The following PCDHA3 variants were observed in gnomAD, a reference collection of about 807,000 sequenced individuals.
PCDHA3 encodes protocadherin alpha-3.
A neutral mutation model predicts 62.2 loss-of-function variants in PCDHA3; 41 were observed. The observed-to-expected ratio is 0.66, with a 90% confidence interval of 0.51 to 0.86. The LOEUF (loss-of-function observed/expected upper bound fraction) is 0.86, where lower values mean the gene tolerates loss of function less well. Among genes scored for constraint, PCDHA3 ranks in the 40% least tolerant of loss-of-function variants. The probability of loss-of-function intolerance (pLI) is 0.00; values close to 1 mark genes in which losing one functional copy is unlikely to be tolerated. For synonymous variants in PCDHA3, 640 were observed against 555.4 expected, an observed-to-expected ratio of 1.15 and a Z score of -2.14; for missense variants, 1,304 against 1,241.2, an observed-to-expected ratio of 1.05 and a Z score of -0.76.
chr5:140,830,476 TG>T (rs2150187075), intron 1 of PCDHA3: 1 of 1,551,430 alleles, frequency 6.4e-7, no homozygotes, highest in South Asian at 1.2e-5. Context: ...ATGAAGATCA[TG>T]ATGCCAAAGT....
intron 1 of PCDHA3, chr5:140,870,382 C>G (rs782627889): frequency 7.4e-6 from 12 of 1,614,062 alleles, no homozygotes; most frequent in Non-Finnish European, 1.0e-5. Context: ...GGTGACTGCG[C>G]GGGATGGGGG....
At position 140,802,135 on chromosome 5, in the gene PCDHA3, G is replaced by GT; in HGVS notation, c.939dup (p.Lys314Ter). 1 of 1,614,198 alleles carries GT rather than the reference G, an allele frequency of 6.2e-7. No homozygotes were observed. Among genetic ancestry groups the GT allele is most frequent in the African/African-American group, 1.3e-5 (1 of 75,030 alleles). ...AAGGGTAACATAGATTTCGAGGAAAGTAAGTCATATGAAATCCAGGTAGAA... is the reference window on the plus strand; with the variant it reads ...AAGGGTAACATAGATTTCGAGGAAAGTTAAGTCATATGAAATCCAGGTAGAA... On this transcript the variant is annotated frameshift_variant, in exon 1 of 4. Transcript: ENST00000522353. LOFTEE classifies it high-confidence loss of function.
At chr5:140,856,906 C>A (rs2044264701) in intron 1 of PCDHA3, 5 of 1,596,020 alleles carry the variant, frequency 3.1e-6, no homozygotes, top group Non-Finnish European at 2.6e-6. Flanking sequence ...TGGTCCCACC[C>A]ACGATAAGAA....
rs377029109 is a variant in PCDHA3, at chr5:141,002,346, C to G, written c.2543-7281C>G. On this transcript the variant is annotated intron_variant, in intron 3 of 3. Coordinates refer to ENST00000522353, the MANE Select transcript of PCDHA3 (RefSeq NM_018906.3). Reference sequence around the variant, plus strand: ...CGGGCTGCATCCGCACCCCTTCCCCCACCTCCACTCCTTTCAACTCATTCT... The same window carrying G: ...CGGGCTGCATCCGCACCCCTTCCCCGACCTCCACTCCTTTCAACTCATTCT... Among the ~76,000 whole-genome samples, 17 of 152,370 alleles carry G rather than the reference C, an allele frequency of 1.1e-4. No homozygotes were observed. The East Asian group carries it at 2.7e-3, about 24-fold the overall frequency.
chr5:140,914,115 G>A (rs1287523867), intron 1 of PCDHA3, among the ~76,000 whole-genome samples: 1 of 152,168 alleles, frequency 6.6e-6, no homozygotes, highest in Non-Finnish European at 1.5e-5. Flanking sequence ...GATTAAGTCT[G>A]ATGTTTCTTT....
At chr5:140,829,700 G>A (rs188962276) in intron 1 of PCDHA3, 3 of 1,613,364 alleles carry the variant, frequency 1.9e-6, no homozygotes, top group Non-Finnish European at 1.7e-6. Flanking sequence ...TCAGGTGAGC[G>A]CGCGCGACGC....
intron 3 of PCDHA3, among the ~76,000 whole-genome samples, chr5:140,995,873 C>T (rs1554254864): frequency 6.6e-6 from 1 of 152,126 alleles, no homozygotes; most frequent in Non-Finnish European, 1.5e-5. Flanking sequence ...AATTGTGCAA[C>T]CTGTGCTTCA....
rs1308888029 is a variant in PCDHA3 at position 141,011,344 on chromosome 5, A to G, written c.*1407A>G. Reference sequence around the variant, plus strand: ...ACACCTATGATGTTACCTGAAATCAATCTCCCATATGTATGCTGTATGCTA... The same window carrying G: ...ACACCTATGATGTTACCTGAAATCAGTCTCCCATATGTATGCTGTATGCTA... On this transcript the variant is annotated 3_prime_UTR_variant, in exon 4 of 4. Coordinates refer to ENST00000522353, the MANE Select transcript of PCDHA3 (RefSeq NM_018906.3). 3 of 153,730 alleles carry G rather than the reference A, an allele frequency of 2.0e-5. No homozygotes were observed. The highest frequency in any genetic ancestry group is 2.9e-5 in the Non-Finnish European group (2 of 68,040). The allele number at this position is 153,730 out of a possible 1,614,324, so 9.5% of individuals were successfully genotyped here.
intron 1 of PCDHA3, chr5:140,834,395 G>T (rs2150216541): frequency 6.3e-7 from 1 of 1,598,712 alleles, no homozygotes; most frequent in Non-Finnish European, 8.5e-7. Context: ...TGGTGTGCCC[G>T]AATGGATACG....
At chr5:140,820,247 C>T (rs961844156) in intron 1 of PCDHA3, among the ~76,000 whole-genome samples, 7 of 151,972 alleles carry the variant, frequency 4.6e-5, no homozygotes, top group Middle Eastern at 7.0e-3. Context: ...TAGTAAAAAT[C>T]TTATAAGGGA....
chr5:140,823,715 TG>T, intron 1 of PCDHA3: 2 of 1,613,918 alleles, frequency 1.2e-6, no homozygotes, highest in Non-Finnish European at 1.7e-6. Flanking sequence ...CACCGCCTTC[TG>T]GTGCTGGTGA....
intron 1 of PCDHA3, among the ~76,000 whole-genome samples, chr5:140,913,854 A>G: frequency 6.6e-6 from 1 of 152,128 alleles, no homozygotes; most frequent in Middle Eastern, 3.2e-3. Context: ...ATTCAGGAGC[A>G]TATTGTTTAA....
intron 1 of PCDHA3, chr5:140,866,107 G>T (rs2049153150): frequency 6.6e-6 from 1 of 152,146 alleles, no homozygotes; most frequent in African/African-American, 2.4e-5. Flanking sequence ...GTAATTAAGA[G>T]TTGCCTTATA....
chr5:140,870,693 A>C, intron 1 of PCDHA3: 1 of 1,612,950 alleles, frequency 6.2e-7, no homozygotes, highest in Non-Finnish European at 8.5e-7. Context: ...TGGAGCTGCT[A>C]CAGTTCCAGG....
intron 1 of PCDHA3, chr5:140,968,436 C>T (rs1479503016): frequency 3.1e-6 from 5 of 1,613,876 alleles, no homozygotes; most frequent in Non-Finnish European, 3.4e-6. Context: ...AAGGGGAGCC[C>T]ACCACTGAGC....
intron 1 of PCDHA3, chr5:140,876,689 C>A (rs2056506979): frequency 1.2e-6 from 2 of 1,614,228 alleles, no homozygotes; most frequent in Non-Finnish European, 1.7e-6. Context: ...AATTACTACT[C>A]GTTGGTGCTG....
chr5:140,895,881 G>A (rs1004872677), intron 1 of PCDHA3, among the ~76,000 whole-genome samples: 22 of 152,176 alleles, frequency 1.4e-4, no homozygotes, highest in East Asian at 1.9e-4. Flanking sequence ...GCGCGATCTC[G>A]GCTCACTGCA....
intron 3 of PCDHA3, among the ~76,000 whole-genome samples, chr5:141,002,620 A>G (rs553505520): frequency 6.8e-4 from 104 of 152,336 alleles, no homozygotes; most frequent in African/African-American, 2.4e-3. Flanking sequence ...CACATAACAC[A>G]GACAGAGATA....
intron 1 of PCDHA3, chr5:140,851,286 C>T (rs956539821): frequency 9.6e-7 from 1 of 1,038,578 alleles, no homozygotes; most frequent in South Asian, 4.4e-5. Context: ...TATAAGAAAC[C>T]CAAGCAAAAA....
Sources: allele counts gnomAD v4.1 joint callset (sites outside exome capture counted in the v4.1 genomes callset), GRCh38; gene constraint gnomAD v4.1.1; transcripts MANE v1.5; gene names NCBI Gene and HGNC (gene_info 2026-07-23, HGNC 2026-07-21).